Variants in CPEB3 observed in about 807,000 individuals in gnomAD.
CPEB3 encodes cytoplasmic polyadenylation element binding protein 3.
Under a neutral mutation model 67.2 loss-of-function variants are expected in CPEB3, and 20 were observed. That is an observed-to-expected ratio of 0.30 (90% CI 0.21 to 0.43). CPEB3 has a LOEUF of 0.43. Among genes scored for constraint, CPEB3 ranks in the 20% least tolerant of loss-of-function variants. The pLI, the probability that CPEB3 is intolerant of heterozygous loss-of-function variation, is 1.00. For synonymous variants in CPEB3, 376 were observed against 393.1 expected, an observed-to-expected ratio of 0.96 and a Z score of 0.51; for missense variants, 746 against 968.6, an observed-to-expected ratio of 0.77 and a Z score of 3.05.
rs1042524989 is a variant in CPEB3, at chr10:92,192,464, G to T, written c.1165+13C>A. The stretch of plus-strand genomic sequence containing the variant: ...AACACCAAGCAAGAAATGGACATAT[G>T]AATATTCCTAACCTGCAAAATGATT... On this transcript the variant is annotated intron_variant, in intron 3 of 9. Transcript: ENST00000265997. The T allele has an allele frequency of 1.3e-6, 2 of 1,599,690 alleles. No homozygotes were observed. Among genetic ancestry groups the T allele is most frequent in the Admixed American group, 1.7e-5 (1 of 57,154 alleles).
chr10:92,089,728 A>G (rs1408363865), intron 8 of CPEB3, among the ~76,000 whole-genome samples: 1 of 152,134 alleles, frequency 6.6e-6, no homozygotes, highest in Admixed American at 6.5e-5. Flanking sequence ...GGTTGCAGTG[A>G]GCTGAGATCG....
intron 2 of CPEB3, among the ~76,000 whole-genome samples, chr10:92,201,995 C>A (rs1173295282): frequency 6.6e-6 from 1 of 152,124 alleles, no homozygotes; most frequent in Admixed American, 6.6e-5. Context: ...TAAATGCTTA[C>A]CTCACATTTA....
chr10:92,084,965 T>C (rs910361751), intron 8 of CPEB3, among the ~76,000 whole-genome samples: 34 of 152,180 alleles, frequency 2.2e-4, no homozygotes, highest in African/African-American at 8.0e-4. Context: ...CTGTTCATAT[T>C]TGGTCTTTTG....
intron 2 of CPEB3, among the ~76,000 whole-genome samples, chr10:92,224,234 T>C (rs1243872803): frequency 6.6e-6 from 1 of 152,186 alleles, no homozygotes; most frequent in Non-Finnish European, 1.5e-5. Flanking sequence ...TTTTAATCAC[T>C]TTAGGTTCTC....
chr10:92,239,565 C>T lies in CPEB3; in HGVS notation c.786G>A (p.Leu262=). ...CCCGGCGAGGGTCCCGGCCCGCCTGCAGGCCGCCCCAGGGGTTGGACGGTG... is the reference window on the plus strand; with the variant it reads ...CCCGGCGAGGGTCCCGGCCCGCCTGTAGGCCGCCCCAGGGGTTGGACGGTG... ...WSAPSNPWGG[L]QAGRDPRRAV... Residue 262 remains leucine, a synonymous_variant, in exon 2 of 10, where the codon CTG becomes CTA. Transcript: ENST00000265997. The surrounding 1 kb of genome is among the most constrained non-coding windows in gnomAD (Gnocchi z 6.0). 1 of 1,554,910 alleles carries T rather than the reference C, an allele frequency of 6.4e-7. No individual in the cohort carries two copies. Among genetic ancestry groups the T allele is most frequent in the African/African-American group, 1.4e-5 (1 of 73,652 alleles).
chr10:92,137,999 CA>C (rs879096676), intron 6 of CPEB3: 170 of 139,210 alleles, frequency 1.2e-3, no homozygotes, highest in South Asian at 3.8e-3. Flanking sequence ...GACTCTGTCT[CA>C]AAAAAAAAAA....
At chr10:92,209,507 A>AAG (rs1356213254) in intron 2 of CPEB3, among the ~76,000 whole-genome samples, 5 of 152,202 alleles carry the variant, frequency 3.3e-5, no homozygotes, top group South Asian at 2.1e-4. Context: ...CCTGGGCAAC[A>AAG]AGAGACAGAA....
chr10:92,145,474 C>A (rs1846634153), intron 4 of CPEB3, among the ~76,000 whole-genome samples: 1 of 151,986 alleles, frequency 6.6e-6, no homozygotes, highest in East Asian at 1.9e-4. Context: ...ACTAAAAATA[C>A]AAAAATTAGC....
chr10:92,183,648 C>T (rs1367912827), intron 3 of CPEB3, among the ~76,000 whole-genome samples: 1 of 152,168 alleles, frequency 6.6e-6, no homozygotes, highest in Non-Finnish European at 1.5e-5. Flanking sequence ...GGAAAGTCTA[C>T]CTAAAAGCCC....
At chr10:92,221,712 G>T (rs1850708915) in intron 2 of CPEB3, among the ~76,000 whole-genome samples, 1 of 152,124 alleles carries the variant, frequency 6.6e-6, no homozygotes, top group Non-Finnish European at 1.5e-5. Context: ...GCTTTTATAA[G>T]AAAGAGAGGC....
intron 1 of CPEB3, among the ~76,000 whole-genome samples, chr10:92,241,106 G>A (rs538698072): frequency 6.6e-6 from 1 of 152,246 alleles, no homozygotes; most frequent in East Asian, 1.9e-4. Context: ...ACGTTTGGAA[G>A]TGCTTGCTTC....
At chr10:92,200,219 C>A (rs1849451619) in intron 2 of CPEB3, among the ~76,000 whole-genome samples, 2 of 152,130 alleles carry the variant, frequency 1.3e-5, no homozygotes, top group African/African-American at 4.8e-5. Flanking sequence ...GCAATAAATT[C>A]TCAAGAACCC....
chr10:92,281,266 G>C (rs969986645), intron 1 of CPEB3, among the ~76,000 whole-genome samples: 5 of 151,362 alleles, frequency 3.3e-5, no homozygotes, highest in African/African-American at 1.2e-4. Context: ...CGGGGGTGCA[G>C]GAGGGGTTGG....
chr10:92,175,194 T>C (rs1336126433), intron 4 of CPEB3, among the ~76,000 whole-genome samples: 1 of 151,538 alleles, frequency 6.6e-6, no homozygotes, highest in Non-Finnish European at 1.5e-5. Context: ...TTTGTCACAA[T>C]AGATTAGTTT....
chr10:92,216,336 C>T (rs1428991266), intron 2 of CPEB3: 1 of 1,601,786 alleles, frequency 6.2e-7, no homozygotes, highest in African/African-American at 1.3e-5. Context: ...GCTGCGATGA[C>T]CAAAATAAAG....
At chr10:92,061,178 G>A (rs926933612) in intron 9 of CPEB3, among the ~76,000 whole-genome samples, 5 of 152,110 alleles carry the variant, frequency 3.3e-5, no homozygotes, top group Admixed American at 6.6e-5. Context: ...CAGCACTTTG[G>A]GAGGCCAGGG....
chr10:92,053,763 G>A (rs556795663), intron 9 of CPEB3, among the ~76,000 whole-genome samples: 3 of 152,138 alleles, frequency 2.0e-5, no homozygotes, highest in South Asian at 4.1e-4. Context: ...GGATGGTCTC[G>A]ATCCCCTGAC....
At chr10:92,207,301 A>C (rs1849838720) in intron 2 of CPEB3, among the ~76,000 whole-genome samples, 1 of 152,090 alleles carries the variant, frequency 6.6e-6, no homozygotes, top group African/African-American at 2.4e-5. Flanking sequence ...TTTCATGTAC[A>C]TACACACACC....
intron 7 of CPEB3, among the ~76,000 whole-genome samples, chr10:92,095,838 G>A (rs1050784272): frequency 6.6e-6 from 1 of 151,486 alleles, no homozygotes; most frequent in African/African-American, 2.4e-5. Flanking sequence ...CGTATCTGTG[G>A]GTTCTGAGTC....
Sources: allele counts gnomAD v4.1 joint callset (sites outside exome capture counted in the v4.1 genomes callset), GRCh38; gene constraint gnomAD v4.1.1; non-coding constraint Gnocchi (gnomAD v3.1); transcripts MANE v1.5; gene names NCBI Gene and HGNC (gene_info 2026-07-23, HGNC 2026-07-21).